DCDC1: variants seen among roughly 807,000 people sequenced by gnomAD.
DCDC1 encodes the protein doublecortin domain containing 1, also known as doublecortin domain-containing protein 1.
Under a neutral mutation model 178.3 loss-of-function variants are expected in DCDC1, and 200 were observed. That is an observed-to-expected ratio of 1.12 (90% CI 1.00 to 1.26). The LOEUF (loss-of-function observed/expected upper bound fraction) is 1.26, where lower values mean the gene tolerates loss of function less well. Among genes scored for constraint, DCDC1 ranks in the 50% most tolerant of loss-of-function variants. DCDC1 has a pLI of 0.00. For synonymous variants in DCDC1, 690 were observed against 604.8 expected (o/e 1.14, Z -2.07); for missense variants, 1,983 against 1,749.2 (o/e 1.13, Z -2.38).
intron 2 of DCDC1, among the ~76,000 whole-genome samples, chr11:31,330,847 G>C (rs1949942018): frequency 6.6e-6 from 1 of 152,096 alleles, no homozygotes; most frequent in African/African-American, 2.4e-5. Context: ...CTCCAGCTTT[G>C]TTCTTTTTGC....
At chr11:31,073,304 A>C (rs1956679134) in intron 18 of DCDC1, among the ~76,000 whole-genome samples, 1 of 152,214 alleles carries the variant, frequency 6.6e-6, no homozygotes, top group Non-Finnish European at 1.5e-5. Flanking sequence ...GTTAGGAACA[A>C]TTTAAAAATT....
intron 20 of DCDC1, among the ~76,000 whole-genome samples, chr11:30,993,894 C>T (rs1366272358): frequency 6.6e-6 from 1 of 152,056 alleles, no homozygotes; most frequent in African/African-American, 2.4e-5. Context: ...AATACCAATG[C>T]TATATAGTTT....
rs531881902 is a variant in DCDC1 at position 30,945,103 on chromosome 11, G to T, written c.2715+7342C>A. Among the ~76,000 whole-genome samples the T allele has an allele frequency of 1.9e-4, 29 of 150,738 alleles. No homozygotes were observed. In the South Asian group the frequency reaches 3.6e-3, roughly 19 times the overall value. On this transcript the variant is annotated intron_variant, in intron 21 of 38. Coordinates refer to ENST00000684477, the MANE Select transcript of DCDC1 (RefSeq NM_001387274.1). ...CCTGCCTCAGCCTCCTGAGTAGCTG[G>T]GACTACAGGCATCTGCCACCATGCC...
chr11:31,367,310 C>T (rs778900516), intron 1 of DCDC1, among the ~76,000 whole-genome samples: 43 of 152,062 alleles, frequency 2.8e-4, no homozygotes, highest in Admixed American at 5.2e-4. Flanking sequence ...AACAAGCAAA[C>T]AAAAAGATAA....
chr11:31,160,755 C>A (rs574713826), intron 9 of DCDC1, among the ~76,000 whole-genome samples: 190 of 152,220 alleles, frequency 1.2e-3, no homozygotes, highest in African/African-American at 4.4e-3. Flanking sequence ...TAAAAAGTTA[C>A]AAATATTGCT....
chr11:31,005,051 A>T (rs1034607953), intron 20 of DCDC1, among the ~76,000 whole-genome samples: 1 of 152,180 alleles, frequency 6.6e-6, no homozygotes, highest in Non-Finnish European at 1.5e-5. Flanking sequence ...GATATTTTAT[A>T]TCTCTCTAAC....
chr11:30,889,745 A>G (rs377452305), intron 36 of DCDC1, among the ~76,000 whole-genome samples: 2 of 152,356 alleles, frequency 1.3e-5, no homozygotes, highest in Admixed American at 6.5e-5. Flanking sequence ...TTACACATCT[A>G]GGCCACATTA....
At chr11:31,271,427 A>G (rs1207135033) in intron 7 of DCDC1, among the ~76,000 whole-genome samples, 2 of 152,152 alleles carry the variant, frequency 1.3e-5, no homozygotes, top group Admixed American at 6.5e-5. Flanking sequence ...TTGAAAATTA[A>G]ATCTCCCCAT....
chr11:31,213,262 C>A (rs1435086083), intron 9 of DCDC1, among the ~76,000 whole-genome samples: 2 of 151,220 alleles, frequency 1.3e-5, no homozygotes, highest in African/African-American at 4.9e-5. Flanking sequence ...TATTCAGGGT[C>A]TATTTTCGCC....
Position 31,071,847 on chromosome 11 carries a change from A to G in DCDC1, c.2298+6018T>C, listed in dbSNP as rs1956584978. Among the ~76,000 whole-genome samples, 4 of 152,338 alleles carry G rather than the reference A, an allele frequency of 2.6e-5. No homozygotes were observed. In the South Asian group the frequency reaches 8.3e-4, roughly 32 times the overall value. On this transcript the variant is annotated intron_variant, in intron 18 of 38. Transcript: ENST00000684477. ...AAAGGAACTAATGCCTCTGGGCTAC[A>G]GCAAGTAAGTATGCTTAGAGTTAGA...
chr11:31,360,115 G>C (rs1951631535), intron 1 of DCDC1, among the ~76,000 whole-genome samples: 1 of 152,170 alleles, frequency 6.6e-6, no homozygotes. Context: ...TCTAGACATG[G>C]TAGAAAGTAT....
intron 20 of DCDC1, among the ~76,000 whole-genome samples, chr11:31,007,507 A>T (rs1289628011): frequency 2.6e-5 from 4 of 152,192 alleles, no homozygotes; most frequent in Non-Finnish European, 5.9e-5. Context: ...CAGAGGCAGA[A>T]CAGTATGGTT....
intron 1 of DCDC1, among the ~76,000 whole-genome samples, chr11:31,349,077 G>C (rs1451728239): frequency 6.6e-6 from 1 of 151,788 alleles, no homozygotes; most frequent in African/African-American, 2.4e-5. Context: ...ACTCAAATAA[G>C]TTATGTTTCC....
chr11:31,304,868 C>G (rs539574021), intron 6 of DCDC1, among the ~76,000 whole-genome samples: 1 of 152,236 alleles, frequency 6.6e-6, no homozygotes, highest in East Asian at 1.9e-4. Context: ...ATACATAGCA[C>G]TAGATACCAA....
At chr11:31,099,138 T>C (rs1958338398) in intron 15 of DCDC1, among the ~76,000 whole-genome samples, 1 of 152,234 alleles carries the variant, frequency 6.6e-6, no homozygotes, top group South Asian at 2.1e-4. Context: ...TTCTCTGATA[T>C]CTCTTTGCTA....
intron 20 of DCDC1, among the ~76,000 whole-genome samples, chr11:30,967,802 T>C (rs1346626795): frequency 1.3e-5 from 2 of 152,190 alleles, no homozygotes; most frequent in East Asian, 3.9e-4. Context: ...TTCAGTTCTG[T>C]GTCAATCAAA....
chr11:31,259,877 A>G (rs1944666151), intron 8 of DCDC1, among the ~76,000 whole-genome samples: 1 of 152,186 alleles, frequency 6.6e-6, no homozygotes, highest in African/African-American at 2.4e-5. Context: ...CTTTGGCAGC[A>G]GTCATGTGGG....
chr11:31,091,988 T>G (rs1957848979), intron 16 of DCDC1, among the ~76,000 whole-genome samples: 1 of 152,212 alleles, frequency 6.6e-6, no homozygotes. Context: ...GTGAACTGCT[T>G]TTATTTTAAA....
chr11:31,287,131 T>G (rs1363402085), intron 7 of DCDC1, among the ~76,000 whole-genome samples: 2 of 151,986 alleles, frequency 1.3e-5, no homozygotes, highest in African/African-American at 4.8e-5. Context: ...TAAATATTGA[T>G]GGAGGAGTAA....
Sources: gnomAD v4.1 joint callset for allele counts (sites outside exome capture counted in the v4.1 genomes callset) on GRCh38, gnomAD v4.1.1 for gene constraint, MANE v1.5 for transcripts, NCBI Gene and HGNC (gene_info 2026-07-23, HGNC 2026-07-21) for gene names.